SETD6: variants seen among roughly 807,000 people sequenced by gnomAD.
SETD6 encodes SET domain containing 6, protein lysine methyltransferase, also known as N-lysine methyltransferase SETD6.
SETD6 carries 67 observed loss-of-function variants against 52.7 expected under a neutral mutation model. That is an observed-to-expected ratio of 1.27 (90% CI 1.04 to 1.56). SETD6 has a LOEUF of 1.56. SETD6 is among the 40% of genes most tolerant of loss of function. SETD6 has a pLI of 0.00. For missense variants in SETD6, 712 were observed against 607.5 expected (o/e 1.17, Z -1.81); for synonymous variants, 307 against 250.2 (o/e 1.23, Z -2.14).
rs201111578 is a variant in SETD6, at chr16:58,516,380, C to T, written c.476+37C>T. The T allele has an allele frequency of 6.8e-3, 10,769 of 1,583,642 alleles. 67 individuals are homozygous for T. Among genetic ancestry groups the T allele is most frequent in the Non-Finnish European group, 8.2e-3 (9,659 of 1,172,590 alleles). On this transcript the variant is annotated intron_variant, in intron 3 of 7. Transcript: ENST00000219315. ...GGGAGGGGTTGGGGAGCGCCTGCAC[C>T]GTAGCCTGCTGCAAGAAGTTTCCCC...
Position 58,521,326 on chromosome 16 carries a change from AG to A in SETD6, c.*2300del. On this transcript the variant is annotated 3_prime_UTR_variant, in exon 8 of 8. Coordinates refer to ENST00000219315, the MANE Select transcript of SETD6 (RefSeq NM_001160305.4). ...ACCGTTCCAAGAGAACTCTGGAAAA[AG>A]GGAGAAAGAGCTAGTTAATGTATAG... 6.3e-7 allele frequency: 1 copy of A among 1,591,108 alleles called. No individual in the cohort carries two copies. The highest frequency in any genetic ancestry group is 1.2e-5 in the South Asian group (1 of 86,546).
In SETD6 at chr16:58,517,918, AGGT is replaced by A. The variant is rs1388125662; in HGVS notation, c.793-132_793-130del. ...CAGTTTAGGGTCTAACAGGAACTAA[AGGT>A]AGAACTTTGGTAGTTAACAGCATCA... On this transcript the variant is annotated intron_variant, in intron 5 of 7. Coordinates refer to ENST00000219315, the MANE Select transcript of SETD6 (RefSeq NM_001160305.4). 140 of 1,100,798 alleles carry A rather than the reference AGGT, an allele frequency of 1.3e-4. No individual in the cohort carries two copies. In the African/African-American group the frequency reaches 1.4e-3, roughly 11 times the overall value. 68.2% of individuals were successfully genotyped at this position (1,100,798 alleles called of 1,614,324 possible). A position where few individuals can be genotyped will look rare whatever the true frequency, so the allele number is the denominator to read the frequency against.
rs1567373985 is a variant in SETD6, at chr16:58,515,882, T to TGAGC, written c.128_131dup (p.Gly45SerfsTer132). 2.6e-6 allele frequency: 4 copies of TGAGC among 1,515,616 alleles called. No individual in the cohort carries two copies. Among genetic ancestry groups the TGAGC allele is most frequent in the African/African-American group, 2.9e-5 (2 of 69,166 alleles). The allele number at this position is 1,515,616 out of a possible 1,614,324, so 93.9% of individuals were successfully genotyped here. On this transcript the variant is annotated frameshift_variant, in exon 2 of 8. Coordinates refer to ENST00000219315, the MANE Select transcript of SETD6 (RefSeq NM_001160305.4). LOFTEE classifies it high-confidence loss of function. Reference sequence around the variant, plus strand: ...GTGGGGCTGGAGCTGAGTCCCAAGGTGAGCGAGCGAGCCGGCGGGCGGAGG... The same window carrying TGAGC: ...GTGGGGCTGGAGCTGAGTCCCAAGGTGAGCGAGCGAGCGAGCCGGCGGGCGGAGG...
intron 1 of SETD6, 62 bp from the exon 2 acceptor site, chr16:58,515,729 T>G: frequency 7.1e-7 from 1 of 1,411,590 alleles, no homozygotes; most frequent in South Asian, 1.5e-5. Flanking sequence ...CGCCGCGGTC[T>G]CCTGCAGTTC....
At position 58,518,255 on chromosome 16, in the gene SETD6, T is replaced by A. The variant is rs747277087; in HGVS notation, c.973+24T>A. 6 of 1,613,898 alleles carry A rather than the reference T, an allele frequency of 3.7e-6. No homozygotes were observed. The Admixed American group carries it at 1.0e-4, about 27-fold the overall frequency. ...GGGTGAGTGTATCATTAACTCAATA[T>A]TTGACACTGATGGTGTGTCTATACC... On this transcript the variant is annotated intron_variant, in intron 6 of 7. Coordinates refer to ENST00000219315, the MANE Select transcript of SETD6 (RefSeq NM_001160305.4).
rs1483508254 is a variant in SETD6, at chr16:58,515,551, C to G, written c.14C>G (p.Ala5Gly). 2 of 1,588,866 alleles carry G rather than the reference C, an allele frequency of 1.3e-6. No homozygotes were observed. Among genetic ancestry groups the G allele is most frequent in the South Asian group, 1.1e-5 (1 of 88,052 alleles). Residue 5 changes from alanine to glycine, a missense_variant, in exon 1 of 8, where the codon GCG becomes GGG. Physicochemically the swap from Ala to Gly is moderately conservative, Grantham distance 60 (BLOSUM62 0). Transcript: ENST00000219315. MATQAKRPRVAGPVD... is the reference protein window; with the variant it reads MATQGKRPRVAGPVD... ...CGCTCTTAGACCATGGCGACCCAGG[C>G]GAAGCGTCCACGGGTGAGTGGCGGG...
intron 4 of SETD6, 67 bp from the exon 5 acceptor site, chr16:58,516,741 A>T: frequency 6.2e-7 from 1 of 1,609,924 alleles, no homozygotes; most frequent in Non-Finnish European, 8.5e-7. Context: ...AAAAGTGGAA[A>T]AACAGTGAAA....
At position 58,518,165 on chromosome 16, in the gene SETD6, T is replaced by C. The variant is rs1038996822; in HGVS notation, c.907T>C (p.Tyr303His). The change falls in exon 6 of 8, where the codon TAT (tyrosine) becomes CAT (histidine). Residue 303 changes from tyrosine to histidine, a missense_variant. Coordinates refer to ENST00000219315, the MANE Select transcript of SETD6 (RefSeq NM_001160305.4). ...LIHMYGFVEP[Y>H]PDNTDDTADI... ...TCATATGTACGGTTTTGTTGAACCA[T>C]ATCCTGACAACACAGATGACACAGC... 5 of 1,614,116 alleles carry C rather than the reference T, an allele frequency of 3.1e-6. No individual in the cohort carries two copies. The highest frequency in any genetic ancestry group is 1.3e-5 in the African/African-American group (1 of 74,936).
At position 58,515,610 on chromosome 16, in the gene SETD6, C is replaced by A. The variant is rs1053678066; in HGVS notation, c.27+46C>A. The A allele has an allele frequency of 2.0e-6, 3 of 1,485,372 alleles. No individual in the cohort carries two copies. The African/African-American group carries it at 4.4e-5, about 22-fold the overall frequency. The allele number at this position is 1,485,372 out of a possible 1,614,324, so 92.0% of individuals were successfully genotyped here. ...CCAGCCTTTTCCTCCGCGCCTCACCCCTTCTCCGTTCGCAGAACCGTCCGC... is the reference window on the plus strand; with the variant it reads ...CCAGCCTTTTCCTCCGCGCCTCACCACTTCTCCGTTCGCAGAACCGTCCGC... On this transcript the variant is annotated intron_variant, in intron 1 of 7. Transcript: ENST00000219315.
rs543403248 is a variant in SETD6 at position 58,516,123 on chromosome 16, C to T, written c.334+26C>T. ...GTGGGCACGGCGGCGGGCTAGGGCC[C>T]TGGGGCGGGGCGGGGCGGGGCGGGG... is the stretch of plus-strand genomic sequence containing the variant. On this transcript the variant is annotated intron_variant, in intron 2 of 7. Transcript: ENST00000219315. 254 of 146,552 alleles carry T rather than the reference C, an allele frequency of 1.7e-3. 1 individual carries two copies. In the African/African-American group the frequency reaches 0.051, roughly 30 times the overall value. 9.1% of individuals were successfully genotyped at this position (146,552 alleles called of 1,614,324 possible).
Position 58,520,765 on chromosome 16 carries a change from CA to C in SETD6, c.*1743del. On this transcript the variant is annotated 3_prime_UTR_variant, in exon 8 of 8. Coordinates refer to ENST00000219315, the MANE Select transcript of SETD6 (RefSeq NM_001160305.4). ...CATCTTCTAAATTTTGGCCAAGAGT[CA>C]AAAAAATGCATTTAAACTTTGGAAC... The C allele has an allele frequency of 1.2e-5, 7 of 595,970 alleles. No homozygotes were observed. Among genetic ancestry groups the C allele is most frequent in the Middle Eastern group, 4.5e-4 (1 of 2,218 alleles). 36.9% of individuals were successfully genotyped at this position (595,970 alleles called of 1,614,324 possible). A position where few individuals can be genotyped will look rare whatever the true frequency, so the allele number is the denominator to read the frequency against.
Position 58,515,942 on chromosome 16 carries a change from C to T in SETD6, c.179C>T (p.Pro60Leu), listed in dbSNP as rs773012642. 1.6e-5 allele frequency: 25 copies of T among 1,522,726 alleles called. No homozygotes were observed. Among genetic ancestry groups the T allele is most frequent in the South Asian group, 3.6e-5 (3 of 82,262 alleles). 94.3% of individuals were successfully genotyped at this position (1,522,726 alleles called of 1,614,324 possible). A position where few individuals can be genotyped will look rare whatever the true frequency, so the allele number is the denominator to read the frequency against. Residue 60 changes from proline (P) to leucine (L), a missense_variant, in exon 2 of 8, where the codon CCT becomes CTT. Coordinates refer to ENST00000219315, the MANE Select transcript of SETD6 (RefSeq NM_001160305.4). ...RGGARAALTS[P>L]PAQVAVSRQG... ...GGGGCGCGGGCTGCCCTGACCAGCCCTCCTGCTCAGGTGGCGGTCAGCCGG... is the reference window on the plus strand; with the variant it reads ...GGGGCGCGGGCTGCCCTGACCAGCCTTCCTGCTCAGGTGGCGGTCAGCCGG...
rs2039235867 is a variant in SETD6, at chr16:58,518,203, G to A, written c.945G>A (p.Met315Ile). 1 of 1,614,216 alleles carries A rather than the reference G, an allele frequency of 6.2e-7. No homozygotes were observed. Among genetic ancestry groups the A allele is most frequent in the South Asian group, 1.1e-5 (1 of 91,082 alleles). Residue 315 changes from methionine to isoleucine, a missense_variant, in exon 6 of 8, where the codon ATG becomes ATA. Transcript: ENST00000219315. ...CAGATGACACAGCTGACATTCAGAT[G>A]GTGACAGTTCGTGAGGCAGCATTAC... The part of the protein sequence containing the change: ...DNTDDTADIQ[M>I]VTVREAALQG...
rs745434063 is a variant in SETD6 at position 58,518,722 on chromosome 16, A to T, written c.1117-2A>T. On this transcript the variant is annotated splice_acceptor_variant, in intron 7 of 7. Transcript: ENST00000219315. LOFTEE classifies it high-confidence loss of function. ...ATTAAAGAGCTCTGTGGTTGCTTCTAGGTACTGTGCATGCCTGCTGAGGAG... is the reference window on the plus strand; with the variant it reads ...ATTAAAGAGCTCTGTGGTTGCTTCTTGGTACTGTGCATGCCTGCTGAGGAG... The T allele has an allele frequency of 9.9e-5, 160 of 1,613,018 alleles. No individual in the cohort carries two copies. Among genetic ancestry groups the T allele is most frequent in the Non-Finnish European group, 1.3e-4 (150 of 1,179,614 alleles).
rs777386596 is a variant in SETD6, at chr16:58,515,567, G to A, written c.27+3G>A. The A allele has an allele frequency of 3.4e-5, 54 of 1,577,052 alleles. 1 individual carries two copies. The Middle Eastern group carries it at 1.6e-3, about 47-fold the overall frequency. On this transcript the variant is annotated splice_donor_region_variant and intron_variant, in intron 1 of 7. Transcript: ENST00000219315. ...CGACCCAGGCGAAGCGTCCACGGGT[G>A]AGTGGCGGGCGCGGGGTCCAGCCTT...
rs749936721 is a variant in SETD6, at chr16:58,515,565, G to C, written c.27+1G>C. 17 of 1,580,498 alleles carry C rather than the reference G, an allele frequency of 1.1e-5. No homozygotes were observed. In the Admixed American group the frequency reaches 1.2e-4, roughly 11 times the overall value. On this transcript the variant is annotated splice_donor_variant, in intron 1 of 7. Transcript: ENST00000219315. LOFTEE classifies it high-confidence loss of function. ...GGCGACCCAGGCGAAGCGTCCACGG[G>C]TGAGTGGCGGGCGCGGGGTCCAGCC...
Position 58,521,102 on chromosome 16 carries a change from T to C in SETD6, c.*2073T>C. ...AGGCCTAACAATACCTTGCATCTCA[T>C]TCAGCTGACCCAACCTAGAGACAGA... On this transcript the variant is annotated 3_prime_UTR_variant, in exon 8 of 8. Transcript: ENST00000219315. The C allele has an allele frequency of 6.2e-7, 1 of 1,613,580 alleles. No homozygotes were observed. Among genetic ancestry groups the C allele is most frequent in the Non-Finnish European group, 8.5e-7 (1 of 1,179,532 alleles).
At chr16:58,517,109 A>T (rs994429337) in intron 5 of SETD6, 181 bp downstream of exon 5, 3 of 873,012 alleles carry the variant, frequency 3.4e-6, no homozygotes, top group Admixed American at 2.1e-5. Context: ...TCCTCAAAGT[A>T]AGTTGTGGTT....
chr16:58,520,928 C>CT lies in SETD6; in HGVS notation c.*1900dup. 6.2e-7 allele frequency: 1 copy of CT among 1,606,326 alleles called. No homozygotes were observed. Among genetic ancestry groups the CT allele is most frequent in the Non-Finnish European group, 8.5e-7 (1 of 1,176,634 alleles). On this transcript the variant is annotated 3_prime_UTR_variant, in exon 8 of 8. Transcript: ENST00000219315. ...AACTCGGTGCAGTGAGACCTCTAGA[C>CT]TGACACGTACAACAGAGATGCAGTT...
Sources: allele counts gnomAD v4.1 joint callset, GRCh38; gene constraint gnomAD v4.1.1; transcripts MANE v1.5; gene names NCBI Gene and HGNC (gene_info 2026-07-23, HGNC 2026-07-21).